TRPM6: variants seen among roughly 807,000 people sequenced by gnomAD.
The protein encoded by TRPM6 is transient receptor potential cation channel subfamily M member 6.
A neutral mutation model predicts 247.6 loss-of-function variants in TRPM6; 111 were observed. The observed-to-expected ratio is 0.45, with a 90% confidence interval of 0.38 to 0.52. The LOEUF is 0.52. TRPM6 is among the 20% of genes least tolerant of loss of function. The probability of loss-of-function intolerance (pLI) is 0.00; values close to 1 mark genes in which losing one functional copy is unlikely to be tolerated. For missense variants in TRPM6, 2,126 were observed against 2,421.5 expected (o/e 0.88, Z 2.56); for synonymous variants, 892 against 853.8 (o/e 1.04, Z -0.78).
Position 74,799,529 on chromosome 9 carries a change from C to CA in TRPM6, c.2238+724dup, listed in dbSNP as rs548108211. Among the ~76,000 whole-genome samples the CA allele has an allele frequency of 8.2e-3, 1,108 of 134,682 alleles. 4 individuals carry two copies. Among genetic ancestry groups the CA allele is most frequent in the Non-Finnish European group, 9.9e-3 (642 of 64,840 alleles). The allele number at this position is 134,682 out of a possible 152,430, so 88.4% of individuals were successfully genotyped here. A position where few individuals can be genotyped will look rare whatever the true frequency, so the allele number is the denominator to read the frequency against. On this transcript the variant is annotated intron_variant, in intron 17 of 38. Coordinates refer to ENST00000360774, the MANE Select transcript of TRPM6 (RefSeq NM_017662.5). The stretch of plus-strand genomic sequence containing the variant: ...CTTATGAAACAGTCACTTATTCTCT[C>CA]AAAAAAAAACACACACACATACACA...
At chr9:74,854,475 T>C (rs1404692339) in intron 3 of TRPM6, among the ~76,000 whole-genome samples, 1 of 152,112 alleles carries the variant, frequency 6.6e-6, no homozygotes, top group Non-Finnish European at 1.5e-5. Context: ...CGCAATTACG[T>C]TTGCACCAAG....
intron 4 of TRPM6, 37 bp from the exon 5 acceptor site, chr9:74,840,274 T>C (rs1829888336): frequency 6.7e-7 from 1 of 1,486,286 alleles, no homozygotes; most frequent in Non-Finnish European, 9.3e-7. Context: ...CAGAACATTG[T>C]AAAAAAGTTA....
intron 25 of TRPM6, among the ~76,000 whole-genome samples, chr9:74,768,355 A>G (rs56053650): frequency 3.6e-3 from 542 of 152,248 alleles, no homozygotes; most frequent in African/African-American, 0.012. Flanking sequence ...GTTTCCTACA[A>G]TAGGCAGATG....
At chr9:74,776,958 T>C (rs990020522) in intron 23 of TRPM6, among the ~76,000 whole-genome samples, 1 of 152,150 alleles carries the variant, frequency 6.6e-6, no homozygotes. Context: ...AAAACACAGA[T>C]AACCCATAAC....
intron 20 of TRPM6, among the ~76,000 whole-genome samples, chr9:74,788,181 C>A (rs1827766044): frequency 6.6e-6 from 1 of 152,212 alleles, no homozygotes; most frequent in East Asian, 1.9e-4. Context: ...TATTGCACAA[C>A]TTCAGCCATT....
intron 3 of TRPM6, among the ~76,000 whole-genome samples, chr9:74,849,283 G>A (rs922646021): frequency 1.3e-5 from 2 of 151,146 alleles, no homozygotes; most frequent in East Asian, 1.9e-4. Context: ...CCCAGGAGGC[G>A]GAGGTTGCAG....
chr9:74,887,254 C>A (rs1395998948), intron 1 of TRPM6: 1 of 1,303,090 alleles, frequency 7.7e-7, no homozygotes, highest in Non-Finnish European at 9.7e-7. Flanking sequence ...GTCATCGCTC[C>A]GGGACTCCTG....
At chr9:74,828,003 T>A in intron 6 of TRPM6, 54 bp from the exon 7 acceptor site, 1 of 1,573,802 alleles carries the variant, frequency 6.4e-7, no homozygotes, top group Non-Finnish European at 8.7e-7. Context: ...TTCCCCAGGC[T>A]CACCTGCTCC....
intron 37 of TRPM6, 152 bp from the exon 38 acceptor site, chr9:74,728,497 A>G: frequency 1.5e-6 from 1 of 667,282 alleles, no homozygotes; most frequent in Non-Finnish European, 2.7e-6. Flanking sequence ...CAACAATGTT[A>G]GGTTTGCAAA....
chr9:74,866,971 T>C (rs1389777819), intron 1 of TRPM6, among the ~76,000 whole-genome samples: 1 of 152,266 alleles, frequency 6.6e-6, no homozygotes, highest in Non-Finnish European at 1.5e-5. Flanking sequence ...CATTTTAACC[T>C]GTTACATGCT....
At chr9:74,838,965 C>G (rs1302783543) in intron 5 of TRPM6, among the ~76,000 whole-genome samples, 1 of 152,024 alleles carries the variant, frequency 6.6e-6, no homozygotes, top group Non-Finnish European at 1.5e-5. Context: ...CAAAAATTAG[C>G]CAGGTGTGGT....
intron 3 of TRPM6, among the ~76,000 whole-genome samples, chr9:74,855,230 A>G (rs1042148778): frequency 1.3e-5 from 2 of 152,242 alleles, no homozygotes; most frequent in African/African-American, 2.4e-5. Flanking sequence ...ATGCGCATGC[A>G]GCATCTTCAT....
chr9:74,837,782 G>T lies in TRPM6; in HGVS notation c.544+2242C>A, dbSNP rs868523793. On this transcript the variant is annotated intron_variant, in intron 5 of 38. Transcript: ENST00000360774. ...TTTTTTTTTTTTAAGACAGGGTCTTGCTTTGCCACCCAGGCTGGGTAGAGT... is the reference window on the plus strand; with the variant it reads ...TTTTTTTTTTTTAAGACAGGGTCTTTCTTTGCCACCCAGGCTGGGTAGAGT... Among the ~76,000 whole-genome samples, 533 of 134,140 alleles carry T rather than the reference G, an allele frequency of 4.0e-3. 5 individuals are homozygous for T. Among genetic ancestry groups the T allele is most frequent in the African/African-American group, 0.014 (492 of 35,090 alleles). The allele number at this position is 134,140 out of a possible 152,430, so 88.0% of individuals were successfully genotyped here.
chr9:74,743,740 G>A (rs923885264), intron 32 of TRPM6, among the ~76,000 whole-genome samples: 84 of 152,294 alleles, frequency 5.5e-4, no homozygotes, highest in Non-Finnish European at 4.4e-5. Context: ...CTCCCTCAAG[G>A]AACTACTTTC....
In TRPM6 at chr9:74,858,680, T is replaced by C; in HGVS notation, c.102A>G (p.Lys34=). The C allele has an allele frequency of 1.9e-6, 3 of 1,612,822 alleles. No homozygotes were observed. Among genetic ancestry groups the C allele is most frequent in the Non-Finnish European group, 2.5e-6 (3 of 1,179,328 alleles). Residue 34 remains lysine, a synonymous_variant, in exon 2 of 39, where the codon AAA becomes AAG. Transcript: ENST00000360774. ...RECSTIIPSS[K]NPHRCTPVCQ... ...ATTGAAAATTTTACCTGTGAGGATT[T>C]TTTGAGCTGGGTATGATTGTGCTAC...
chr9:74,853,227 C>G (rs1437403608), intron 3 of TRPM6, among the ~76,000 whole-genome samples: 5 of 151,858 alleles, frequency 3.3e-5, no homozygotes, highest in Non-Finnish European at 7.4e-5. Context: ...GCCGCCCCAT[C>G]GGGGAAGTGA....
chr9:74,807,310 A>C (rs1381470931), intron 14 of TRPM6, among the ~76,000 whole-genome samples: 1 of 152,192 alleles, frequency 6.6e-6, no homozygotes, highest in Non-Finnish European at 1.5e-5. Context: ...CAGCAGAAAC[A>C]TACCTGAATA....
intron 6 of TRPM6, among the ~76,000 whole-genome samples, chr9:74,832,047 T>TGCTAAC (rs1829566128): frequency 6.6e-6 from 1 of 152,172 alleles, no homozygotes; most frequent in African/African-American, 2.4e-5. Flanking sequence ...GAGACCCCCA[T>TGCTAAC]ATATTACAAG....
At position 74,762,965 on chromosome 9, in the gene TRPM6, C is replaced by G. The variant is rs913203701; in HGVS notation, c.3706G>C (p.Ala1236Pro). ...GAATGCTTTCTCTTGGCCAGGAGAG[C>G]CTCATCCTCTTGCAAAGTGTCAACA... ...SAVDTLQEDE[A>P]LLAKRKHSTC... Residue 1236 changes from alanine to proline, a missense_variant, in exon 26 of 39, where the codon GCT becomes CCT. Physicochemically the swap from Ala to Pro is conservative, Grantham distance 27. Coordinates refer to ENST00000360774, the MANE Select transcript of TRPM6 (RefSeq NM_017662.5). 1 of 1,609,712 alleles carries G rather than the reference C, an allele frequency of 6.2e-7. No homozygotes were observed. Among genetic ancestry groups the G allele is most frequent in the South Asian group, 1.1e-5 (1 of 90,830 alleles).
Sources: allele counts gnomAD v4.1 joint callset (sites outside exome capture counted in the v4.1 genomes callset), GRCh38; gene constraint gnomAD v4.1.1; transcripts MANE v1.5; gene names NCBI Gene and HGNC (gene_info 2026-07-23, HGNC 2026-07-21).